MYO18B: variants seen among roughly 807,000 people sequenced by gnomAD.
MYO18B encodes myosin XVIIIB, also known as unconventional myosin-XVIIIb.
A neutral mutation model predicts 273.0 loss-of-function variants in MYO18B; 204 were observed. The ratio of observed to expected loss-of-function variants is 0.75; its 90% confidence interval spans 0.67 to 0.84. MYO18B has a LOEUF of 0.84. Among genes scored for constraint, MYO18B ranks in the 40% least tolerant of loss-of-function variants. The probability of loss-of-function intolerance (pLI) is 0.00; values close to 1 mark genes in which losing one functional copy is unlikely to be tolerated. For synonymous variants in MYO18B, 1,330 were observed against 1,305.7 expected, an observed-to-expected ratio of 1.02 and a Z score of -0.40; for missense variants, 3,212 against 3,287.6, an observed-to-expected ratio of 0.98 and a Z score of 0.56.
chr22:25,762,708 A>G (rs558273442), intron 2 of MYO18B, among the ~76,000 whole-genome samples: 34 of 152,394 alleles, frequency 2.2e-4, no homozygotes, highest in Non-Finnish European at 2.8e-4. Flanking sequence ...TGGAGCCACA[A>G]GGTCAGGTCC....
At chr22:25,985,291 G>A (rs1355876127) in intron 39 of MYO18B, among the ~76,000 whole-genome samples, 2 of 152,100 alleles carry the variant, frequency 1.3e-5, no homozygotes, top group Admixed American at 6.5e-5. Flanking sequence ...AACCTGGGAG[G>A]CAGCGGTTGC....
intron 34 of MYO18B, among the ~76,000 whole-genome samples, chr22:25,929,198 A>G (rs1315032185): frequency 1.3e-5 from 2 of 151,778 alleles, no homozygotes; most frequent in Non-Finnish European, 2.9e-5. Flanking sequence ...TCAAAATATA[A>G]CATAACATCC....
chr22:25,760,411 C>CAAAAAAAA (rs60732274), intron 1 of MYO18B, among the ~76,000 whole-genome samples: 5 of 61,086 alleles, frequency 8.2e-5, no homozygotes, highest in East Asian at 7.7e-4. Context: ...GACTCCATCT[C>CAAAAAAAA]AAAAAAAAAA....
chr22:25,952,754 C>A (rs2092807423), intron 38 of MYO18B, among the ~76,000 whole-genome samples: 1 of 152,122 alleles, frequency 6.6e-6, no homozygotes, highest in Non-Finnish European at 1.5e-5. Context: ...GCCCTCAACC[C>A]CTCTGTCTGC....
At chr22:25,838,810 T>C (rs1259950553) in intron 17 of MYO18B, among the ~76,000 whole-genome samples, 1 of 152,084 alleles carries the variant, frequency 6.6e-6, no homozygotes, top group African/African-American at 2.4e-5. Flanking sequence ...TATAACTGTA[T>C]GTGTGTGTGT....
At chr22:25,765,424 A>G (rs1484343800) in intron 3 of MYO18B, among the ~76,000 whole-genome samples, 1 of 152,186 alleles carries the variant, frequency 6.6e-6, no homozygotes, top group East Asian at 1.9e-4. Context: ...GCAGGAATGG[A>G]AAACAAGGCT....
Position 26,027,566 on chromosome 22 carries a change from C to G in MYO18B, c.7592C>G (p.Pro2531Arg). Reference protein sequence around the residue: ...ADSIKSRPGIPRLAGDGGERT... With the variant: ...ADSIKSRPGIRRLAGDGGERT... ...AGCATCAAAAGTCGACCAGGAATCC[C>G]ACGACTTGCGGGTGACGGTGGCGAG... The change falls in exon 43 of 44, where the codon CCA becomes CGA. Residue 2531 changes from proline (P) to arginine (R), a missense_variant. Pro to Arg is a moderately radical substitution (Grantham distance 103, BLOSUM62 -2). Transcript: ENST00000335473. The surrounding 1 kb of genome is among the most constrained non-coding windows in gnomAD (Gnocchi z 4.1). The G allele has an allele frequency of 6.2e-7, 1 of 1,614,000 alleles. No individual in the cohort carries two copies. The highest frequency in any genetic ancestry group is 8.5e-7 in the Non-Finnish European group (1 of 1,179,902).
chr22:25,743,877 C>T (rs1601571947), intron 1 of MYO18B, among the ~76,000 whole-genome samples: 1 of 152,194 alleles, frequency 6.6e-6, no homozygotes, highest in East Asian at 1.9e-4. Context: ...AAGTGACGGT[C>T]GTTGACGACC....
At chr22:25,891,486 A>G (rs1601489009) in intron 27 of MYO18B, 74 bp downstream of exon 27, 2 of 1,036,754 alleles carry the variant, frequency 1.9e-6, no homozygotes, top group East Asian at 5.2e-5. Context: ...AGTCACTCAT[A>G]GAGCACTTTT....
chr22:26,050,207 G>A, the MYO18B span, among the ~76,000 whole-genome samples: 3,098 of 152,318 alleles, frequency 0.02, 110 homozygotes, highest in African/African-American at 0.071. Flanking sequence ...AGTTGGCAGT[G>A]TGGGGAAAAG....
At chr22:25,781,001 G>T (rs982491620) in intron 9 of MYO18B, among the ~76,000 whole-genome samples, 1 of 152,168 alleles carries the variant, frequency 6.6e-6, no homozygotes, top group Non-Finnish European at 1.5e-5. Context: ...AGGGTTGTTT[G>T]TAACATGGAG....
intron 34 of MYO18B, among the ~76,000 whole-genome samples, chr22:25,931,680 T>C (rs916393366): frequency 6.8e-6 from 1 of 146,710 alleles, no homozygotes; most frequent in Non-Finnish European, 1.5e-5. Flanking sequence ...TTTTCTTTTT[T>C]CTTTTTTTTT....
chr22:25,873,347 G>A (rs1229450849), intron 22 of MYO18B, among the ~76,000 whole-genome samples: 1 of 152,150 alleles, frequency 6.6e-6, no homozygotes, highest in Non-Finnish European at 1.5e-5. Flanking sequence ...TCTGTGGGTG[G>A]CACCAGCCCA....
intron 39 of MYO18B, among the ~76,000 whole-genome samples, chr22:25,976,244 C>T (rs2093088072): frequency 6.6e-6 from 1 of 152,110 alleles, no homozygotes. Flanking sequence ...GGTCAAGAAA[C>T]CCTGCTTTCT....
In MYO18B at chr22:25,807,262, G is replaced by A. The variant is rs372282069; in HGVS notation, c.2521+9165G>A. ...CTTTACACAGCTTAGCAGAAGGCCC[G>A]AGAGGCCAAGGGTAGTGTAGGGCAG... On this transcript the variant is annotated intron_variant, in intron 12 of 43. Transcript: ENST00000335473. Among the ~76,000 whole-genome samples, 67 of 152,318 alleles carry A rather than the reference G, an allele frequency of 4.4e-4. No homozygotes were observed. In the East Asian group the frequency reaches 0.012, roughly 27 times the overall value.
the MYO18B span, among the ~76,000 whole-genome samples, chr22:26,040,072 C>A: frequency 1.3e-5 from 2 of 152,136 alleles, no homozygotes; most frequent in South Asian, 4.2e-4. Flanking sequence ...GTTTATGCAT[C>A]CTCATAGCTT....
Position 25,934,691 on chromosome 22 carries a change from G to A in MYO18B, c.5518-11446G>A, listed in dbSNP as rs192797242. Reference sequence around the variant, plus strand: ...CTCAAAGCTGGGAGGGGGCTTCCAGGTCACAGGTAGGTGAGAGAAAAATGG... The same window carrying A: ...CTCAAAGCTGGGAGGGGGCTTCCAGATCACAGGTAGGTGAGAGAAAAATGG... On this transcript the variant is annotated intron_variant, in intron 34 of 43. Transcript: ENST00000335473. Among the ~76,000 whole-genome samples, 69 of 152,218 alleles carry A rather than the reference G, an allele frequency of 4.5e-4. 1 individual carries two copies. The highest frequency in any genetic ancestry group is 1.6e-3 in the African/African-American group (66 of 41,542).
chr22:25,763,761 G>T (rs1478391859), intron 3 of MYO18B, among the ~76,000 whole-genome samples: 1 of 152,150 alleles, frequency 6.6e-6, no homozygotes, highest in Admixed American at 6.5e-5. Flanking sequence ...CATAGTACTT[G>T]GTCAGTAGTG....
At chr22:26,044,552 C>CA in the MYO18B span, among the ~76,000 whole-genome samples, 1 of 152,226 alleles carries the variant, frequency 6.6e-6, no homozygotes, top group Non-Finnish European at 1.5e-5. Context: ...TTCTCCCTGA[C>CA]ACGTCTGTGA....
Sources: allele counts gnomAD v4.1 joint callset (sites outside exome capture counted in the v4.1 genomes callset), GRCh38; gene constraint gnomAD v4.1.1; non-coding constraint Gnocchi (gnomAD v3.1); transcripts MANE v1.5; gene names NCBI Gene and HGNC (gene_info 2026-07-23, HGNC 2026-07-21).